The following DTNBP1 variants were observed in gnomAD, a reference collection of about 807,000 sequenced individuals.
The protein encoded by DTNBP1 is dysbindin.
Under a neutral mutation model 42.8 loss-of-function variants are expected in DTNBP1, and 35 were observed. The observed-to-expected ratio is 0.82, with a 90% confidence interval of 0.63 to 1.09. DTNBP1 has a LOEUF of 1.09. DTNBP1 is among the 50% of genes least tolerant of loss of function. The pLI, the probability that DTNBP1 is intolerant of heterozygous loss-of-function variation, is 0.00. For synonymous variants in DTNBP1, 171 were observed against 162.2 expected, an observed-to-expected ratio of 1.05 and a Z score of -0.41; for missense variants, 457 against 424.2, an observed-to-expected ratio of 1.08 and a Z score of -0.68.
intron 7 of DTNBP1, among the ~76,000 whole-genome samples, chr6:15,569,968 T>C (rs1775271238): frequency 1.3e-5 from 2 of 152,064 alleles, no homozygotes; most frequent in Admixed American, 1.3e-4. Context: ...CCCACCTCAC[T>C]CTTCCCTTCT....
chr6:15,576,275 C>G (rs938553407), intron 7 of DTNBP1, among the ~76,000 whole-genome samples: 1 of 151,832 alleles, frequency 6.6e-6, no homozygotes, highest in East Asian at 2.0e-4. Context: ...CGTACCACCA[C>G]GCCCGGCTAA....
chr6:15,559,225 C>T (rs1480069164), intron 7 of DTNBP1, among the ~76,000 whole-genome samples: 1 of 152,164 alleles, frequency 6.6e-6, no homozygotes, highest in Non-Finnish European at 1.5e-5. Context: ...TGAAAGCGAT[C>T]GTCAAGGCTG....
At chr6:15,595,707 G>A (rs988923454) in intron 6 of DTNBP1, among the ~76,000 whole-genome samples, 2 of 152,216 alleles carry the variant, frequency 1.3e-5, no homozygotes, top group African/African-American at 4.8e-5. Context: ...AGAGAAGGCA[G>A]GGAAAGGCAT....
At chr6:15,544,233 C>A (rs1217440895) in intron 7 of DTNBP1, among the ~76,000 whole-genome samples, 2 of 152,180 alleles carry the variant, frequency 1.3e-5, no homozygotes, top group Non-Finnish European at 2.9e-5. Flanking sequence ...TTTCTCCAAG[C>A]TACAGCACAT....
intron 7 of DTNBP1, among the ~76,000 whole-genome samples, chr6:15,533,821 T>G (rs143748518): frequency 6.6e-6 from 1 of 152,330 alleles, no homozygotes; most frequent in African/African-American, 2.4e-5. Flanking sequence ...TGCAGTGCAA[T>G]TGCTAAGGAT....
chr6:15,659,482 A>G (rs1486077555), intron 1 of DTNBP1, among the ~76,000 whole-genome samples: 2 of 151,822 alleles, frequency 1.3e-5, no homozygotes, highest in African/African-American at 4.8e-5. Flanking sequence ...GCCAGGTCCA[A>G]TGTGATAGCT....
At chr6:15,662,711 G>A in intron 1 of DTNBP1, 103 bp downstream of exon 1, 4 of 1,509,510 alleles carry the variant, frequency 2.6e-6, no homozygotes, top group Non-Finnish European at 1.8e-6. Flanking sequence ...TGCGGGACAG[G>A]ACGGACCCTG....
intron 6 of DTNBP1, among the ~76,000 whole-genome samples, chr6:15,608,556 T>C (rs572121880): frequency 2.0e-5 from 3 of 152,318 alleles, no homozygotes; most frequent in Admixed American, 6.5e-5. Context: ...CTGAACAGAA[T>C]GAATCCTCCT....
intron 7 of DTNBP1, among the ~76,000 whole-genome samples, chr6:15,575,488 T>C (rs1775522443): frequency 3.9e-5 from 6 of 152,222 alleles, no homozygotes; most frequent in Admixed American, 3.9e-4. Context: ...AACTGACATT[T>C]TGTCTCACAA....
intron 7 of DTNBP1, among the ~76,000 whole-genome samples, chr6:15,568,681 C>T (rs140704514): frequency 2.0e-5 from 3 of 152,202 alleles, no homozygotes; most frequent in African/African-American, 4.8e-5. Flanking sequence ...ACAATGAGGA[C>T]GAAGATCTTC....
intron 7 of DTNBP1, among the ~76,000 whole-genome samples, chr6:15,578,025 T>C (rs1775656241): frequency 6.6e-6 from 1 of 152,196 alleles, no homozygotes; most frequent in African/African-American, 2.4e-5. Context: ...TACGAACAAC[T>C]GCCAGACGAT....
chr6:15,587,727 G>C lies in DTNBP1; in HGVS notation c.511+5332C>G, dbSNP rs945481428. Among the ~76,000 whole-genome samples the C allele has an allele frequency of 9.9e-5, 15 of 152,168 alleles. No homozygotes were observed. The highest frequency in any genetic ancestry group is 1.9e-4 in the Non-Finnish European group (13 of 68,022). On this transcript the variant is annotated intron_variant, in intron 7 of 9. Transcript: ENST00000344537. This position sits in a 1 kb window ranked among gnomAD's most constrained non-coding sequence, Gnocchi z 4.1. ...AGAGCCCCAAGGTCTGCCAAAAAAT[G>C]GTTCTGAGACAACTGAATATCGATA...
chr6:15,634,577 C>G (rs1207975816), intron 4 of DTNBP1, among the ~76,000 whole-genome samples: 1 of 152,194 alleles, frequency 6.6e-6, no homozygotes, highest in African/African-American at 2.4e-5. Flanking sequence ...CTTGGCCTCC[C>G]AAAGTGCTGG....
chr6:15,602,879 A>T (rs982466883), intron 6 of DTNBP1, among the ~76,000 whole-genome samples: 1 of 152,248 alleles, frequency 6.6e-6, no homozygotes, highest in Non-Finnish European at 1.5e-5. Context: ...ACTGGAGGAA[A>T]GAGATAACGA....
At chr6:15,539,235 A>G (rs984539824) in intron 7 of DTNBP1, among the ~76,000 whole-genome samples, 3 of 152,242 alleles carry the variant, frequency 2.0e-5, no homozygotes, top group African/African-American at 7.2e-5. Context: ...AATCACATGC[A>G]TAGTATTTCC....
chr6:15,523,727 T>C (rs1351417778), intron 9 of DTNBP1: 1 of 1,287,256 alleles, frequency 7.8e-7, no homozygotes, highest in South Asian at 1.2e-5. Context: ...CCCCTGACTC[T>C]GGGTGAGGGT....
rs531849731 is a variant in DTNBP1, at chr6:15,653,757, T to C, written c.57-1617A>G. Among the ~76,000 whole-genome samples, 11 of 152,332 alleles carry C rather than the reference T, an allele frequency of 7.2e-5. No homozygotes were observed. The South Asian group carries it at 1.7e-3, about 23-fold the overall frequency. ...ACTTCAACAAGTACTCATTTGTAAA[T>C]AGAAACTGAAAATATAGGCCACAGT... On this transcript the variant is annotated intron_variant, in intron 1 of 9. Coordinates refer to ENST00000344537, the MANE Select transcript of DTNBP1 (RefSeq NM_032122.5).
At chr6:15,543,997 T>C (rs1287174260) in intron 7 of DTNBP1, among the ~76,000 whole-genome samples, 3 of 152,202 alleles carry the variant, frequency 2.0e-5, no homozygotes, top group East Asian at 1.9e-4. Flanking sequence ...CACCCTTCTA[T>C]AGAAGTAAAT....
intron 7 of DTNBP1, among the ~76,000 whole-genome samples, chr6:15,575,043 C>T (rs1471485076): frequency 2.0e-5 from 3 of 152,156 alleles, no homozygotes; most frequent in South Asian, 4.1e-4. Context: ...CCAAACTGTC[C>T]TATTCCAGAA....
Sources: allele counts gnomAD v4.1 joint callset (sites outside exome capture counted in the v4.1 genomes callset), GRCh38; gene constraint gnomAD v4.1.1; non-coding constraint Gnocchi (gnomAD v3.1); transcripts MANE v1.5; gene names NCBI Gene and HGNC (gene_info 2026-07-23, HGNC 2026-07-21).